The following CRB1 variants were observed in gnomAD, a reference collection of about 807,000 sequenced individuals.
The protein encoded by CRB1 is protein crumbs homolog 1.
Under a neutral mutation model 120.0 loss-of-function variants are expected in CRB1, and 83 were observed. The ratio of observed to expected loss-of-function variants is 0.69; its 90% CI spans 0.58 to 0.83. CRB1 has a LOEUF of 0.83. Among genes scored for constraint, CRB1 ranks in the 40% least tolerant of loss-of-function variants. CRB1 has a pLI of 0.00. For synonymous variants in CRB1, 625 were observed against 612.5 expected, an observed-to-expected ratio of 1.02 and a Z score of -0.30; for missense variants, 1,699 against 1,687.6, an observed-to-expected ratio of 1.01 and a Z score of -0.12.
chr1:197,234,990 A>G, the CRB1 span, among the ~76,000 whole-genome samples: 1 of 152,246 alleles, frequency 6.6e-6, no homozygotes, highest in South Asian at 2.1e-4. Context: ...TGATGGAAGC[A>G]TTTGTTGAAA....
At chr1:197,248,561 T>TG in the CRB1 span, among the ~76,000 whole-genome samples, 1 of 151,918 alleles carries the variant, frequency 6.6e-6, no homozygotes, top group Non-Finnish European at 1.5e-5. Flanking sequence ...CTAATTGAGT[T>TG]GAGAGTTGTC....
the CRB1 span, among the ~76,000 whole-genome samples, chr1:197,207,922 T>A: frequency 2.0e-5 from 3 of 151,930 alleles, no homozygotes; most frequent in East Asian, 5.8e-4. Context: ...TTTTAAATTA[T>A]TTTTTCTTTG....
chr1:197,258,757 A>G, the CRB1 span, among the ~76,000 whole-genome samples: 6 of 152,212 alleles, frequency 3.9e-5, no homozygotes, highest in Non-Finnish European at 8.8e-5. Context: ...GCTAACTGAG[A>G]TAAATCACTG....
Position 197,328,591 on chromosome 1 carries a change from A to C in CRB1, c.240A>C (p.Gln80His). The C allele has an allele frequency of 6.2e-7, 1 of 1,614,234 alleles. No homozygotes were observed. Among genetic ancestry groups the C allele is most frequent in the East Asian group, 2.2e-5 (1 of 44,890 alleles). The change falls in exon 2 of 12, where the codon CAA becomes CAC. Residue 80 changes from glutamine to histidine, a missense_variant. Physicochemically the swap from Gln to His is conservative, Grantham distance 24. Coordinates refer to ENST00000367400, the MANE Select transcript of CRB1 (RefSeq NM_201253.3). ...MKDPCFSNPC[Q>H]GSATCVNTPG... ...ACCCTTGCTTCTCCAATCCCTGTCAAGGAAGTGCCACTTGTGTGAACACCC... is the reference window on the plus strand; with the variant it reads ...ACCCTTGCTTCTCCAATCCCTGTCACGGAAGTGCCACTTGTGTGAACACCC...
intron 1 of CRB1, among the ~76,000 whole-genome samples, chr1:197,274,042 T>C (rs878925966): frequency 1.3e-5 from 2 of 152,036 alleles, no homozygotes; most frequent in Non-Finnish European, 2.9e-5. Context: ...TATAGATATC[T>C]CTATATGTAA....
At chr1:197,344,986 C>T (rs1659686068) in intron 3 of CRB1, among the ~76,000 whole-genome samples, 1 of 152,092 alleles carries the variant, frequency 6.6e-6, no homozygotes, top group African/African-American at 2.4e-5. Flanking sequence ...CGAGAAATAG[C>T]CATGTGATTC....
chr1:197,301,888 A>AT (rs1656882421), intron 1 of CRB1, among the ~76,000 whole-genome samples: 1 of 151,948 alleles, frequency 6.6e-6, no homozygotes, highest in Non-Finnish European at 1.5e-5. Context: ...CTTCTTATGG[A>AT]TGAAAAAAAA....
chr1:197,361,676 TTC>T (rs1229813457), intron 5 of CRB1, among the ~76,000 whole-genome samples: 1 of 152,068 alleles, frequency 6.6e-6, no homozygotes, highest in African/African-American at 2.4e-5. Context: ...CTGTAATGAT[TTC>T]TCTGTTTTAT....
intron 4 of CRB1, among the ~76,000 whole-genome samples, chr1:197,348,833 T>G (rs1659927703): frequency 6.6e-6 from 1 of 152,200 alleles, no homozygotes; most frequent in Non-Finnish European, 1.5e-5. Context: ...CTAAGCATTA[T>G]TTAAGAGCCA....
chr1:197,375,098 T>A (rs1217866075), intron 5 of CRB1, among the ~76,000 whole-genome samples: 1 of 152,168 alleles, frequency 6.6e-6, no homozygotes, highest in Non-Finnish European at 1.5e-5. Context: ...AAGACATGTC[T>A]CTTTCAGGAT....
intron 5 of CRB1, among the ~76,000 whole-genome samples, chr1:197,372,832 A>G (rs1235594952): frequency 6.6e-6 from 1 of 152,130 alleles, no homozygotes; most frequent in East Asian, 1.9e-4. Flanking sequence ...GCTATGGTGA[A>G]GTAGTTTAGG....
intron 2 of CRB1, among the ~76,000 whole-genome samples, chr1:197,334,236 T>A (rs1254424745): frequency 6.6e-6 from 1 of 152,212 alleles, no homozygotes; most frequent in East Asian, 1.9e-4. Flanking sequence ...CATCCTTGAC[T>A]GTTATTTCAC....
the CRB1 span, among the ~76,000 whole-genome samples, chr1:197,245,004 T>A: frequency 6.6e-6 from 1 of 152,084 alleles, no homozygotes. Flanking sequence ...GGTTATCGTA[T>A]TTTTAGTTCT....
chr1:197,320,557 G>T (rs1055802599), intron 1 of CRB1, among the ~76,000 whole-genome samples: 3 of 152,122 alleles, frequency 2.0e-5, no homozygotes, highest in African/African-American at 4.8e-5. Context: ...TTTATGACAG[G>T]AATGTGGTAC....
intron 5 of CRB1, among the ~76,000 whole-genome samples, chr1:197,418,545 G>T (rs368827448): frequency 3.9e-5 from 6 of 152,168 alleles, no homozygotes; most frequent in African/African-American, 1.4e-4. Flanking sequence ...TCCCAGTACA[G>T]TAAAATATAA....
rs544079815 is a variant in CRB1 at position 197,325,109 on chromosome 1, A to G, written c.71-3313A>G. ...GGAATTCAGGTTTCCTTGCTCACTC[A>G]TTCATTATTCAACAAATTTCTATTG... On this transcript the variant is annotated intron_variant, in intron 1 of 11. Coordinates refer to ENST00000367400, the MANE Select transcript of CRB1 (RefSeq NM_201253.3). Among the ~76,000 whole-genome samples the G allele has an allele frequency of 5.7e-4, 87 of 152,280 alleles. 1 individual carries two copies. The highest frequency in any genetic ancestry group is 2.0e-3 in the African/African-American group (82 of 41,550).
rs766411096 is a variant in CRB1, at chr1:197,427,741, G to C, written c.2416G>C (p.Glu806Gln). 6.8e-6 allele frequency: 11 copies of C among 1,613,736 alleles called. 1 individual carries two copies. In the East Asian group the frequency reaches 2.5e-4, roughly 36 times the overall value. ...TTTGAAAATCAAGCCATATAAAATT[G>C]AACTGTATCAGTCTTCACAAAACCT... is the stretch of plus-strand genomic sequence containing the variant. ...ISLKIKPYKI[E>Q]LYQSSQNLGF... Residue 806 changes from glutamate to glutamine, a missense_variant, in exon 7 of 12, where the codon GAA (glutamate) becomes CAA (glutamine). Coordinates refer to ENST00000367400, the MANE Select transcript of CRB1 (RefSeq NM_201253.3).
intron 11 of CRB1, 139 bp downstream of exon 11, chr1:197,442,431 C>T (rs1339558323): frequency 6.3e-7 from 1 of 1,587,690 alleles, no homozygotes; most frequent in Non-Finnish European, 8.5e-7. Context: ...TACATTTGAA[C>T]ATTCCCAAAT....
chr1:197,372,729 TA>T (rs1280343687), intron 5 of CRB1, among the ~76,000 whole-genome samples: 1 of 149,018 alleles, frequency 6.7e-6, no homozygotes, highest in East Asian at 2.0e-4. Flanking sequence ...AAAAAACAAA[TA>T]AAAAAACTGA....
Sources: allele counts gnomAD v4.1 joint callset (sites outside exome capture counted in the v4.1 genomes callset), GRCh38; gene constraint gnomAD v4.1.1; transcripts MANE v1.5; gene names NCBI Gene and HGNC (gene_info 2026-07-23, HGNC 2026-07-21).